Variants in OR2L13 observed in about 807,000 individuals in gnomAD.
OR2L13 encodes the protein olfactory receptor family 2 subfamily L member 13.
OR2L13 carries 14 observed loss-of-function variants against 15.3 expected under a neutral mutation model. That is an observed-to-expected ratio of 0.91 (90% CI 0.60 to 1.43). OR2L13 has a LOEUF of 1.43. Among genes scored for constraint, OR2L13 ranks in the 40% most tolerant of loss-of-function variants. The pLI, the probability that OR2L13 is intolerant of heterozygous loss-of-function variation, is 0.00. For missense variants in OR2L13, 367 were observed against 387.9 expected (o/e 0.95, Z 0.45); for synonymous variants, 152 against 142.9 (o/e 1.06, Z -0.45).
At chr1:247,967,713 A>G in the OR2L13 span, among the ~76,000 whole-genome samples, 5 of 151,890 alleles carry the variant, frequency 3.3e-5, no homozygotes, top group Non-Finnish European at 7.4e-5. Context: ...TTGACCTCCT[A>G]TAATTACCTA....
chr1:248,000,495 A>C, the OR2L13 span, among the ~76,000 whole-genome samples: 1,080 of 152,332 alleles, frequency 7.1e-3, 5 homozygotes, highest in Non-Finnish European at 0.011. Flanking sequence ...TCTAAATTGA[A>C]GGATAGGAAA....
At chr1:248,092,891 G>C (rs1201794202), upstream of OR2L13, among the ~76,000 whole-genome samples, 2 of 152,226 alleles carry the variant, frequency 1.3e-5, no homozygotes, top group East Asian at 3.9e-4. Flanking sequence ...CCTCCAAGGA[G>C]TATGATTGAA....
At chr1:248,047,273 A>C in the OR2L13 span, among the ~76,000 whole-genome samples, 1 of 152,150 alleles carries the variant, frequency 6.6e-6, no homozygotes, top group East Asian at 1.9e-4. Flanking sequence ...TTCTTTTGCC[A>C]TGAATGATGA....
At chr1:247,977,975 C>T in the OR2L13 span, among the ~76,000 whole-genome samples, 1 of 152,276 alleles carries the variant, frequency 6.6e-6, no homozygotes, top group South Asian at 2.1e-4. Flanking sequence ...CTCCAAGTCT[C>T]TCCAGAAGGC....
chr1:247,987,468 A>G, the OR2L13 span, among the ~76,000 whole-genome samples: 4 of 152,146 alleles, frequency 2.6e-5, no homozygotes, highest in Admixed American at 2.6e-4. Context: ...AAAAATTGTC[A>G]TTCTCATTAT....
chr1:248,006,243 A>ATGTGTGTGTGTG, the OR2L13 span, among the ~76,000 whole-genome samples: 29 of 139,626 alleles, frequency 2.1e-4, no homozygotes, highest in Non-Finnish European at 2.8e-4. Flanking sequence ...ATTGCAAGAT[A>ATGTGTGTGTGTG]TGTGTGTGTG....
chr1:248,100,330 C>T (rs1558224404), exon 3 of OR2L13: 6 of 1,451,562 alleles, frequency 4.1e-6, no homozygotes, highest in Admixed American at 1.7e-5. Flanking sequence ...GCCATCCCCA[C>T]TCCCTTTGTA....
the OR2L13 span, chr1:248,022,943 A>C: frequency 2.1e-6 from 3 of 1,463,006 alleles, no homozygotes; most frequent in African/African-American, 2.8e-5. Context: ...AGCAGTGTAC[A>C]GCAGTGAAGA....
chr1:248,038,282 T>A, the OR2L13 span: 1 of 1,607,956 alleles, frequency 6.2e-7, no homozygotes, highest in South Asian at 1.1e-5. Context: ...AAAATTACAA[T>A]CAAACATCAA....
the OR2L13 span, chr1:247,949,324 G>A: frequency 8.7e-6 from 14 of 1,614,044 alleles, 1 homozygote; most frequent in South Asian, 1.5e-4. Flanking sequence ...ATCAATGCTT[G>A]TGCTCACACT....
At chr1:247,990,463 C>A in the OR2L13 span, 29 of 1,578,210 alleles carry the variant, frequency 1.8e-5, no homozygotes, top group Non-Finnish European at 2.5e-5. Flanking sequence ...AGTCAGCTCT[C>A]CCTCATTGAC....
the OR2L13 span, among the ~76,000 whole-genome samples, chr1:248,025,779 A>T: frequency 2.0e-5 from 3 of 151,844 alleles, no homozygotes; most frequent in African/African-American, 4.9e-5. Context: ...ATAAAAAAGG[A>T]TGAGTTCATG....
chr1:247,966,381 T>A, the OR2L13 span: 1 of 1,538,608 alleles, frequency 6.5e-7, no homozygotes, highest in Non-Finnish European at 8.8e-7. Flanking sequence ...GAAAACTATC[T>A]GGAAAGATAT....
chr1:247,970,775 C>G, the OR2L13 span, among the ~76,000 whole-genome samples: 1 of 152,080 alleles, frequency 6.6e-6, no homozygotes, highest in African/African-American at 2.4e-5. Flanking sequence ...TTATTCAGAT[C>G]CATTGCAGCC....
the OR2L13 span, among the ~76,000 whole-genome samples, chr1:248,075,710 C>T: frequency 0.15 from 22,985 of 151,922 alleles, 3,310 homozygotes; most frequent in African/African-American, 0.38. Context: ...GTTTGTTTTT[C>T]TCTTGTAAAT....
chr1:248,039,131 C>T, the OR2L13 span: 29 of 1,613,910 alleles, frequency 1.8e-5, no homozygotes, highest in Non-Finnish European at 2.3e-5. Context: ...ACCCCATCAT[C>T]TACAGCCTGA....
chr1:247,982,839 T>A, the OR2L13 span, among the ~76,000 whole-genome samples: 2 of 152,130 alleles, frequency 1.3e-5, no homozygotes, highest in African/African-American at 4.8e-5. Flanking sequence ...ATTTTTATTA[T>A]TTCACAGTTA....
the OR2L13 span, among the ~76,000 whole-genome samples, chr1:248,000,634 C>T: frequency 6.6e-6 from 1 of 151,560 alleles, no homozygotes; most frequent in East Asian, 1.9e-4. Context: ...ACTTGATTTA[C>T]ACAGGAGATT....
the OR2L13 span, among the ~76,000 whole-genome samples, chr1:248,021,483 C>T: frequency 6.6e-6 from 1 of 152,158 alleles, no homozygotes; most frequent in African/African-American, 2.4e-5. Flanking sequence ...GTGGAAAATG[C>T]CACAAATGAA....
Sources: gnomAD v4.1 joint callset for allele counts (sites outside exome capture counted in the v4.1 genomes callset) on GRCh38, gnomAD v4.1.1 for gene constraint, MANE v1.5 for transcripts, NCBI Gene and HGNC (gene_info 2026-07-23, HGNC 2026-07-21) for gene names.